The following ASS1 variants were observed in gnomAD, a reference collection of about 807,000 sequenced individuals.
ASS1 encodes the protein argininosuccinate synthase.
Under a neutral mutation model 60.5 loss-of-function variants are expected in ASS1, and 58 were observed. That is an observed-to-expected ratio of 0.96 (90% CI 0.78 to 1.19). The LOEUF (loss-of-function observed/expected upper bound fraction) is 1.19, where lower values mean the gene tolerates loss of function less well. ASS1 is among the 50% of genes most tolerant of loss of function. The probability of loss-of-function intolerance (pLI) is 0.00; values close to 1 mark genes in which losing one functional copy is unlikely to be tolerated. For missense variants in ASS1, 454 were observed against 547.3 expected (o/e 0.83, Z 1.70); for synonymous variants, 200 against 206.9 (o/e 0.97, Z 0.29).
intron 4 of ASS1, among the ~76,000 whole-genome samples, chr9:130,463,636 G>A (rs1325297644): frequency 6.6e-6 from 1 of 152,236 alleles, no homozygotes; most frequent in Non-Finnish European, 1.5e-5. Flanking sequence ...CCATTGAAGA[G>A]ATGCGGAAAC....
At position 130,479,762 on chromosome 9, in the gene ASS1, G is replaced by A. The variant is rs1193882026; in HGVS notation, c.735G>A (p.Gln245=). 3 of 1,614,206 alleles carry A rather than the reference G, an allele frequency of 1.9e-6. No individual in the cohort carries two copies. The change falls in exon 10 of 15, where the codon CAG becomes CAA. Residue 245 remains glutamine (Q), a synonymous_variant. Coordinates refer to ENST00000352480, the MANE Select transcript of ASS1 (RefSeq NM_054012.4). ...ACGTCAAGGATGGCACCACCCACCA[G>A]ACCTCCTTGGAGCTCTTCATGTACC... ...VTNVKDGTTH[Q]TSLELFMYLN... is the part of the protein sequence containing the mutation.
Position 130,469,446 on chromosome 9 carries a change from T to C in ASS1, c.496-1388T>C, listed in dbSNP as rs1488637162. The stretch of plus-strand genomic sequence containing the variant: ...TCTTTTTTGAGATAGAGTCTCACTC[T>C]GTCACCCAAGCTGGGGTGCAATGGC... On this transcript the variant is annotated intron_variant, in intron 6 of 14. Coordinates refer to ENST00000352480, the MANE Select transcript of ASS1 (RefSeq NM_054012.4). Among the ~76,000 whole-genome samples the C allele has an allele frequency of 2.6e-5, 4 of 152,238 alleles. No homozygotes were observed. In the South Asian group the frequency reaches 8.3e-4, roughly 32 times the overall value.
intron 8 of ASS1, 72 bp downstream of exon 8, chr9:130,471,587 GATGT>G: frequency 2.6e-6 from 4 of 1,542,152 alleles, no homozygotes; most frequent in Middle Eastern, 3.4e-4. Flanking sequence ...GATGCTGTCT[GATGT>G]ATTTATAGCC....
At chr9:130,466,232 C>A (rs907747866) in intron 5 of ASS1, among the ~76,000 whole-genome samples, 1 of 152,342 alleles carries the variant, frequency 6.6e-6, no homozygotes, top group East Asian at 1.9e-4. Flanking sequence ...GGTCCCTCAG[C>A]CAGGCTCAGA....
intron 5 of ASS1, among the ~76,000 whole-genome samples, chr9:130,466,189 G>A (rs1224030674): frequency 1.3e-5 from 2 of 152,208 alleles, no homozygotes; most frequent in East Asian, 3.9e-4. Flanking sequence ...CTTTTTACCA[G>A]CTCAGGCCGA....
intron 5 of ASS1, among the ~76,000 whole-genome samples, chr9:130,465,056 A>ATATTT (rs1479147331): frequency 3.3e-5 from 4 of 120,148 alleles, no homozygotes; most frequent in South Asian, 2.5e-4. Flanking sequence ...ATATATATAT[A>ATATTT]TTTTTTTTTT....
intron 8 of ASS1, among the ~76,000 whole-genome samples, chr9:130,473,817 T>C (rs1272329755): frequency 6.6e-6 from 1 of 152,146 alleles, no homozygotes; most frequent in Non-Finnish European, 1.5e-5. Context: ...GATAGAAATT[T>C]ACTTGCTTTA....
intron 1 of ASS1, chr9:130,450,319 C>T (rs1056668739): frequency 3.6e-5 from 36 of 987,616 alleles, no homozygotes; most frequent in Middle Eastern, 3.4e-4. Context: ...CGGGAACTCA[C>T]GCCTCCAATC....
chr9:130,491,565 T>C lies in ASS1; in HGVS notation c.970+2101T>C, dbSNP rs149188594. Among the ~76,000 whole-genome samples the C allele has an allele frequency of 2.4e-3, 365 of 152,344 alleles. No homozygotes were observed. The highest frequency in any genetic ancestry group is 8.4e-3 in the African/African-American group (351 of 41,582). ...CAGCTGTAGCGGCCAAGTTCCCAGTTACTCCAACAGATTCCAGGATGCTCG... is the reference window on the plus strand; with the variant it reads ...CAGCTGTAGCGGCCAAGTTCCCAGTCACTCCAACAGATTCCAGGATGCTCG... On this transcript the variant is annotated intron_variant, in intron 12 of 14. Transcript: ENST00000352480. The surrounding 1 kb of genome is among the most constrained non-coding windows in gnomAD (Gnocchi z 5.3).
chr9:130,451,610 C>T (rs1053818283), intron 1 of ASS1: 5 of 351,092 alleles, frequency 1.4e-5, no homozygotes, highest in East Asian at 1.5e-4. Context: ...AGGTGGGCGG[C>T]GGCACTGCGT....
intron 5 of ASS1, chr9:130,466,449 G>A (rs1029484845): frequency 9.2e-6 from 5 of 541,358 alleles, no homozygotes; most frequent in Non-Finnish European, 1.3e-5. Flanking sequence ...CTCATCTGGG[G>A]AGACTGAGGC....
intron 1 of ASS1, chr9:130,445,263 A>C (rs956154071): frequency 5.2e-6 from 5 of 958,858 alleles, no homozygotes; most frequent in Non-Finnish European, 5.0e-6. Context: ...CCCGGGTCCG[A>C]AGAGCGGCTC....
chr9:130,486,984 C>G (rs904693077), intron 11 of ASS1, among the ~76,000 whole-genome samples: 2 of 151,772 alleles, frequency 1.3e-5, no homozygotes, highest in Non-Finnish European at 2.9e-5. Context: ...GATGGGAGAC[C>G]CCGGGGCCGG....
Position 130,479,781 on chromosome 9 carries a change from A to G in ASS1, c.754A>G (p.Met252Val). Reference protein sequence around the residue: ...TTHQTSLELFMYLNEVAGKHG... With the variant: ...TTHQTSLELFVYLNEVAGKHG... Reference sequence around the variant, plus strand: ...CCACCAGACCTCCTTGGAGCTCTTCATGTACCTGAACGAAGTCGCGTGAGT... The same window carrying G: ...CCACCAGACCTCCTTGGAGCTCTTCGTGTACCTGAACGAAGTCGCGTGAGT... The change falls in exon 10 of 15, where the codon ATG (methionine) becomes GTG (valine). Residue 252 changes from methionine (M) to valine (V), a missense_variant. Physicochemically the swap from Met to Val is conservative, Grantham distance 21. Coordinates refer to ENST00000352480, the MANE Select transcript of ASS1 (RefSeq NM_054012.4). The G allele has an allele frequency of 6.2e-7, 1 of 1,614,128 alleles. No homozygotes were observed.
rs1337598248 is a variant in ASS1, at chr9:130,491,333, G to C, written c.970+1869G>C. The stretch of plus-strand genomic sequence containing the variant: ...AGAGAGCACCTGGCCGGGCTGCTCC[G>C]GGGCCTCCACGGAGGCTGATCCCAC... On this transcript the variant is annotated intron_variant, in intron 12 of 14. Transcript: ENST00000352480. This position sits in a 1 kb window ranked among gnomAD's most constrained non-coding sequence, Gnocchi z 5.3. 6.6e-6 allele frequency among the ~76,000 whole-genome samples: 1 copy of C among 152,158 alleles called. No individual in the cohort carries two copies. Among genetic ancestry groups the C allele is most frequent in the Admixed American group, 6.5e-5 (1 of 15,270 alleles).
At chr9:130,490,864 C>A (rs1022526437) in intron 12 of ASS1, among the ~76,000 whole-genome samples, 1 of 152,116 alleles carries the variant, frequency 6.6e-6, no homozygotes, top group African/African-American at 2.4e-5. Context: ...ATACACATAG[C>A]CCTGATTTGG....
chr9:130,471,282 A>G (rs1309927807), intron 7 of ASS1, among the ~76,000 whole-genome samples: 1 of 152,210 alleles, frequency 6.6e-6, no homozygotes, highest in African/African-American at 2.4e-5. Flanking sequence ...AGACAGGTAA[A>G]GGCCCCAGCT....
intron 1 of ASS1, 163 bp from the exon 2 acceptor site, chr9:130,452,061 T>C (rs1845339721): frequency 1.4e-6 from 1 of 709,256 alleles, no homozygotes. Flanking sequence ...TTCCCGGGGG[T>C]GGCAGGCACT....
chr9:130,483,264 A>G (rs1291591177), intron 11 of ASS1, among the ~76,000 whole-genome samples: 1 of 149,334 alleles, frequency 6.7e-6, no homozygotes, highest in African/African-American at 2.5e-5. Flanking sequence ...TATTGTCCGT[A>G]TCTCGGTGTA....
Sources: allele counts gnomAD v4.1 joint callset (sites outside exome capture counted in the v4.1 genomes callset), GRCh38; gene constraint gnomAD v4.1.1; non-coding constraint Gnocchi (gnomAD v3.1); transcripts MANE v1.5; gene names NCBI Gene and HGNC (gene_info 2026-07-23, HGNC 2026-07-21).